Variants in CLYBL observed in about 807,000 individuals in gnomAD.
The protein encoded by CLYBL is citramalyl-CoA lyase, mitochondrial.
CLYBL carries 31 observed loss-of-function variants against 38.9 expected under a neutral mutation model. The ratio of observed to expected loss-of-function variants is 0.80; its 90% CI spans 0.60 to 1.08. The LOEUF (loss-of-function observed/expected upper bound fraction) is 1.08. Ranked by LOEUF, CLYBL falls within the 50% of genes least tolerant of loss-of-function variation. CLYBL has a pLI of 0.00. For synonymous variants in CLYBL, 171 were observed against 158.6 expected (o/e 1.08, Z -0.59); for missense variants, 434 against 411.6 (o/e 1.05, Z -0.47).
intron 1 of CLYBL, among the ~76,000 whole-genome samples, chr13:99,751,093 G>C (rs1221451627): frequency 2.0e-5 from 3 of 152,204 alleles, no homozygotes; most frequent in African/African-American, 7.2e-5. Context: ...AGAGGTGGCA[G>C]CATCCCCAGT....
rs1594127191 is a variant in CLYBL, at chr13:99,700,841, T to C, written c.63-71983T>C. ...AAGGTATAATGGGACACTGGCAATA[T>C]ATGCTGTCTCTCTGAACACAGCATG... On this transcript the variant is annotated intron_variant, in intron 1 of 8. Transcript: ENST00000339105. 2.6e-5 allele frequency among the ~76,000 whole-genome samples: 4 copies of C among 152,370 alleles called. 1 individual carries two copies. The South Asian group carries it at 6.2e-4, about 24-fold the overall frequency.
intron 1 of CLYBL, among the ~76,000 whole-genome samples, chr13:99,695,497 T>G (rs1473641303): frequency 1.3e-5 from 2 of 152,132 alleles, no homozygotes; most frequent in African/African-American, 2.4e-5. Flanking sequence ...CAGATTCTTC[T>G]TGGTGTTCCT....
intron 7 of CLYBL, among the ~76,000 whole-genome samples, chr13:99,876,967 C>G (rs1433298060): frequency 1.3e-5 from 2 of 152,178 alleles, no homozygotes. Context: ...CCGTTCCCCA[C>G]ACGCCTCCCT....
intron 2 of CLYBL, among the ~76,000 whole-genome samples, chr13:99,807,437 G>C (rs1438715501): frequency 1.3e-5 from 2 of 152,182 alleles, no homozygotes; most frequent in African/African-American, 4.8e-5. Context: ...AAGCAACCTA[G>C]GTGCCCGCTC....
At chr13:99,644,997 T>C (rs919591249) in intron 1 of CLYBL, among the ~76,000 whole-genome samples, 1 of 152,226 alleles carries the variant, frequency 6.6e-6, no homozygotes, top group African/African-American at 2.4e-5. Context: ...CAGATATCTC[T>C]TCAATACACT....
In CLYBL at chr13:99,654,192, A is replaced by C. The variant is rs79370162; in HGVS notation, c.62+47435A>C. Among the ~76,000 whole-genome samples, 76 of 152,144 alleles carry C rather than the reference A, an allele frequency of 5.0e-4. 1 individual carries two copies. The East Asian group carries it at 0.013, about 26-fold the overall frequency. ...AATCAGAACTTTGACCCATGAATAC[A>C]CTCAGATGCAGGAGAGGCTGGGAAA... On this transcript the variant is annotated intron_variant, in intron 1 of 8. Transcript: ENST00000339105.
At chr13:99,877,645 C>T (rs755513381) in intron 7 of CLYBL, 28 of 312,600 alleles carry the variant, frequency 9.0e-5, no homozygotes, top group Non-Finnish European at 1.3e-4. Flanking sequence ...GGCGTGATCT[C>T]GGCTCCCTGC....
chr13:99,716,148 T>C lies in CLYBL; in HGVS notation c.63-56676T>C, dbSNP rs1206830585. 2.7e-5 allele frequency among the ~76,000 whole-genome samples: 4 copies of C among 149,832 alleles called. No individual in the cohort carries two copies. In the South Asian group the frequency reaches 8.4e-4, roughly 31 times the overall value. On this transcript the variant is annotated intron_variant, in intron 1 of 8. Transcript: ENST00000339105. ...AATAAAGTGTTTTGTAATGTTAAAT[T>C]GTCCTTGCTTTATTGGTGTAATTTT...
intron 1 of CLYBL, among the ~76,000 whole-genome samples, chr13:99,748,495 T>G (rs1296750870): frequency 7.3e-6 from 1 of 136,416 alleles, no homozygotes; most frequent in Non-Finnish European, 1.6e-5. Context: ...GTTGGAGTGC[T>G]GTGGCACGAT....
chr13:99,806,328 A>AGT (rs1386789437), intron 2 of CLYBL, among the ~76,000 whole-genome samples: 1 of 152,246 alleles, frequency 6.6e-6, no homozygotes, highest in African/African-American at 2.4e-5. Flanking sequence ...TTTATTACTT[A>AGT]GTATATATAT....
intron 2 of CLYBL, among the ~76,000 whole-genome samples, chr13:99,787,226 G>C (rs186892880): frequency 6.6e-6 from 1 of 151,986 alleles, no homozygotes; most frequent in Admixed American, 6.6e-5. Context: ...GTCAATTTTG[G>C]CTTTTGTTGC....
intron 1 of CLYBL, among the ~76,000 whole-genome samples, chr13:99,694,100 G>A (rs1454271761): frequency 6.6e-6 from 1 of 152,196 alleles, no homozygotes; most frequent in African/African-American, 2.4e-5. Context: ...CTCCATCAAG[G>A]CACTGGAACC....
At chr13:99,676,505 C>CCAGGCTGGT (rs1354610318) in intron 1 of CLYBL, among the ~76,000 whole-genome samples, 1 of 151,730 alleles carries the variant, frequency 6.6e-6, no homozygotes, top group Non-Finnish European at 1.5e-5. Context: ...GCCATGTTGG[C>CCAGGCTGGT]CAGGCTGGTC....
chr13:99,861,659 G>T (rs1174540785), intron 3 of CLYBL, among the ~76,000 whole-genome samples: 1 of 152,198 alleles, frequency 6.6e-6, no homozygotes, highest in African/African-American at 2.4e-5. Context: ...GATGCCCTTT[G>T]AAGGGGGGGC....
rs571534093 is a variant in CLYBL at position 99,685,230 on chromosome 13, T to C, written c.62+78473T>C. On this transcript the variant is annotated intron_variant, in intron 1 of 8. Coordinates refer to ENST00000339105, the MANE Select transcript of CLYBL (RefSeq NM_206808.5). Reference sequence around the variant, plus strand: ...TTCTGGTACATTTACAAGCTTTCTGTACTTGTTTCAAACTTTATACCTTTA... The same window carrying C: ...TTCTGGTACATTTACAAGCTTTCTGCACTTGTTTCAAACTTTATACCTTTA... Among the ~76,000 whole-genome samples, 161 of 152,330 alleles carry C rather than the reference T, an allele frequency of 1.1e-3. 3 individuals carry two copies. The highest frequency in any genetic ancestry group is 3.5e-3 in the Admixed American group (53 of 15,298).
chr13:99,678,459 T>C (rs1235089000), intron 1 of CLYBL, among the ~76,000 whole-genome samples: 1 of 152,236 alleles, frequency 6.6e-6, no homozygotes, highest in African/African-American at 2.4e-5. Context: ...GTCTATATGT[T>C]TGAGTCTACA....
chr13:99,646,842 A>G (rs2047184428), intron 1 of CLYBL, among the ~76,000 whole-genome samples: 1 of 152,144 alleles, frequency 6.6e-6, no homozygotes, highest in East Asian at 1.9e-4. Flanking sequence ...AAATCTTAAT[A>G]TAAGGAGCTC....
intron 1 of CLYBL, among the ~76,000 whole-genome samples, chr13:99,693,974 AGTC>A (rs1355125255): frequency 1.3e-5 from 2 of 152,176 alleles, no homozygotes; most frequent in African/African-American, 4.8e-5. Flanking sequence ...ATGGAACAAA[AGTC>A]GTAATTGCCC....
At chr13:99,841,279 T>TA (rs1655226355) in intron 2 of CLYBL, among the ~76,000 whole-genome samples, 1 of 152,200 alleles carries the variant, frequency 6.6e-6, no homozygotes, top group South Asian at 2.1e-4. Flanking sequence ...ATGAGAGGTC[T>TA]AAAACTAGAT....
Sources: allele counts gnomAD v4.1 joint callset (sites outside exome capture counted in the v4.1 genomes callset), GRCh38; gene constraint gnomAD v4.1.1; transcripts MANE v1.5; gene names NCBI Gene and HGNC (gene_info 2026-07-23, HGNC 2026-07-21).